The following JHY variants were observed in gnomAD, a reference collection of about 807,000 sequenced individuals.
JHY encodes junctional cadherin complex regulator, also known as jhy protein homolog.
JHY carries 69 observed loss-of-function variants against 78.0 expected under a neutral mutation model. The ratio of observed to expected loss-of-function variants is 0.88; its 90% confidence interval spans 0.73 to 1.08. The LOEUF (loss-of-function observed/expected upper bound fraction) is 1.08, where lower values mean the gene tolerates loss of function less well. Among genes scored for constraint, JHY ranks in the 50% least tolerant of loss-of-function variants. The pLI is 0.00. For synonymous variants in JHY, 368 were observed against 342.6 expected (o/e 1.07, Z -0.82); for missense variants, 944 against 927.8 (o/e 1.02, Z -0.23).
rs150185671 is a variant in JHY, at chr11:122,906,632, G to C, written c.864+2188G>C. Among the ~76,000 whole-genome samples, 249 of 152,286 alleles carry C rather than the reference G, an allele frequency of 1.6e-3. 1 individual carries two copies. Among genetic ancestry groups the C allele is most frequent in the African/African-American group, 5.5e-3 (230 of 41,560 alleles). ...CATTCAGAAACTCTCTTTTTAGTCT[G>C]AGGTCAAAAGAAATAGTTTTATTTC... is the stretch of plus-strand genomic sequence containing the variant. On this transcript the variant is annotated intron_variant, in intron 3 of 8. Coordinates refer to ENST00000227349, the MANE Select transcript of JHY (RefSeq NM_024806.4).
At chr11:122,912,243 C>T (rs1159484238) in intron 3 of JHY, among the ~76,000 whole-genome samples, 6 of 149,926 alleles carry the variant, frequency 4.0e-5, no homozygotes, top group East Asian at 2.0e-4. Context: ...GCCGAGATCT[C>T]GCCACTGCAC....
intron 2 of JHY, among the ~76,000 whole-genome samples, chr11:122,890,655 C>G (rs1319192319): frequency 6.6e-6 from 1 of 152,004 alleles, no homozygotes; most frequent in Non-Finnish European, 1.5e-5. Context: ...TTGTTCTTAC[C>G]AAAGGACAGT....
chr11:122,946,998 G>C (rs1863979352), intron 6 of JHY: 2 of 527,710 alleles, frequency 3.8e-6, no homozygotes, highest in African/African-American at 4.0e-5. Context: ...GTTGCTGCCA[G>C]GGATGCCCAT....
chr11:122,904,504 T>C, intron 3 of JHY, 60 bp downstream of exon 3: 3 of 1,545,296 alleles, frequency 1.9e-6, no homozygotes, highest in African/African-American at 1.4e-5. Context: ...TGCGTTTGTT[T>C]GCAGTGTCTA....
chr11:122,956,488 A>G lies in JHY; in HGVS notation c.1930-8A>G, dbSNP rs1249224441. Reference sequence around the variant, plus strand: ...TAAAAGAAACTGTTTCTGTGGTTGTATTTTTAGAACACCAAGCTGAAAGGT... The same window carrying G: ...TAAAAGAAACTGTTTCTGTGGTTGTGTTTTTAGAACACCAAGCTGAAAGGT... On this transcript the variant is annotated splice_region_variant and splice_polypyrimidine_tract_variant and intron_variant, in intron 6 of 8. Coordinates refer to ENST00000227349, the MANE Select transcript of JHY (RefSeq NM_024806.4). The G allele has an allele frequency of 6.2e-7, 1 of 1,612,838 alleles. No homozygotes were observed. The highest frequency in any genetic ancestry group is 1.3e-5 in the African/African-American group (1 of 74,968).
intron 6 of JHY, among the ~76,000 whole-genome samples, chr11:122,953,672 T>G: frequency 6.6e-6 from 1 of 151,904 alleles, no homozygotes; most frequent in Non-Finnish European, 1.5e-5. Flanking sequence ...TATGAAAGTA[T>G]GAACAGACAG....
At chr11:122,948,195 G>A (rs755788595) in intron 6 of JHY, among the ~76,000 whole-genome samples, 7 of 152,144 alleles carry the variant, frequency 4.6e-5, no homozygotes, top group Admixed American at 3.3e-4. Context: ...TGTAATCCCA[G>A]CACTTTGGGA....
At chr11:122,921,610 G>A (rs111573126) in intron 3 of JHY, among the ~76,000 whole-genome samples, 411 of 152,256 alleles carry the variant, frequency 2.7e-3, no homozygotes, top group Non-Finnish European at 4.5e-3. Context: ...TTGCTATAAC[G>A]TTGATAAAAG....
chr11:122,903,794 T>C, intron 2 of JHY, 131 bp from the exon 3 acceptor site: 2 of 1,276,186 alleles, frequency 1.6e-6, no homozygotes, highest in Non-Finnish European at 2.1e-6. Context: ...GATTTGTGTT[T>C]AGCATACAGA....
At chr11:122,907,703 G>A (rs1228700640) in intron 3 of JHY, among the ~76,000 whole-genome samples, 1 of 151,864 alleles carries the variant, frequency 6.6e-6, no homozygotes, top group East Asian at 1.9e-4. Flanking sequence ...AATTAGCCTG[G>A]CATGGTGGAG....
intron 3 of JHY, among the ~76,000 whole-genome samples, chr11:122,923,266 G>C (rs1863415432): frequency 1.3e-5 from 2 of 152,320 alleles, no homozygotes; most frequent in Middle Eastern, 3.4e-3. Context: ...TGGCATTCAG[G>C]TTGCTCAGTT....
At position 122,920,206 on chromosome 11, in the gene JHY, T is replaced by G. The variant is rs192743839; in HGVS notation, c.865-4691T>G. ...ACTTCAGCTCACTCCTTAGCCAAGT[T>G]AATGGAGAAATGCTCACTGAATCCA... On this transcript the variant is annotated intron_variant, in intron 3 of 8. Transcript: ENST00000227349. Among the ~76,000 whole-genome samples, 13 of 152,336 alleles carry G rather than the reference T, an allele frequency of 8.5e-5. No homozygotes were observed. In the East Asian group the frequency reaches 2.3e-3, roughly 27 times the overall value.
At chr11:122,889,800 C>G (rs1430021040) in intron 2 of JHY, among the ~76,000 whole-genome samples, 2 of 152,120 alleles carry the variant, frequency 1.3e-5, no homozygotes, top group Non-Finnish European at 2.9e-5. Flanking sequence ...GCTCTGTTGC[C>G]CAGGCTAGAG....
At chr11:122,937,752 C>A (rs565919759) in intron 5 of JHY, among the ~76,000 whole-genome samples, 3 of 152,118 alleles carry the variant, frequency 2.0e-5, no homozygotes, top group Non-Finnish European at 2.9e-5. Flanking sequence ...TCACCCTTCC[C>A]GTTTTTTCCA....
chr11:122,955,836 G>T (rs553668983), intron 6 of JHY, among the ~76,000 whole-genome samples: 1 of 152,078 alleles, frequency 6.6e-6, no homozygotes, highest in African/African-American at 2.4e-5. Flanking sequence ...TGTCTCTAAC[G>T]GGTAATGCTG....
intron 2 of JHY, among the ~76,000 whole-genome samples, chr11:122,903,062 A>T (rs955537120): frequency 9.2e-5 from 14 of 152,266 alleles, no homozygotes; most frequent in African/African-American, 3.1e-4. Flanking sequence ...TATGAGCAAC[A>T]CATTGTACTA....
At chr11:122,910,449 G>A (rs565292551) in intron 3 of JHY, among the ~76,000 whole-genome samples, 1 of 151,576 alleles carries the variant, frequency 6.6e-6, no homozygotes, top group Non-Finnish European at 1.5e-5. Flanking sequence ...CAGCCTGGGC[G>A]ACAGAGTGAG....
At chr11:122,910,408 T>G (rs962568365) in intron 3 of JHY, among the ~76,000 whole-genome samples, 16 of 151,860 alleles carry the variant, frequency 1.1e-4, no homozygotes, top group African/African-American at 3.6e-4. Context: ...GAGGCAGGGT[T>G]TCCGTGAGCC....
At chr11:122,889,794 T>A (rs536450024) in intron 2 of JHY, among the ~76,000 whole-genome samples, 2 of 152,346 alleles carry the variant, frequency 1.3e-5, no homozygotes, top group East Asian at 3.9e-4. Context: ...AGTCTTGCTC[T>A]GTTGCCCAGG....
Sources: gnomAD v4.1 joint callset for allele counts (sites outside exome capture counted in the v4.1 genomes callset) on GRCh38, gnomAD v4.1.1 for gene constraint, MANE v1.5 for transcripts, NCBI Gene and HGNC (gene_info 2026-07-23, HGNC 2026-07-21) for gene names.